The following CCSER1 variants were observed in gnomAD, a reference collection of about 807,000 sequenced individuals.
CCSER1 encodes the protein coiled-coil serine rich protein 1, also known as serine-rich coiled-coil domain-containing protein 1.
CCSER1 carries 41 observed loss-of-function variants against 82.0 expected under a neutral mutation model. That is an observed-to-expected ratio of 0.50 (90% confidence interval 0.39 to 0.65). The LOEUF (loss-of-function observed/expected upper bound fraction) is 0.65, where lower values mean the gene tolerates loss of function less well. Ranked by LOEUF, CCSER1 falls within the 30% of genes least tolerant of loss-of-function variation. The pLI is 0.00. For missense variants in CCSER1, 1,119 were observed against 1,064.2 expected, an observed-to-expected ratio of 1.05 and a Z score of -0.72; for synonymous variants, 414 against 383.9, an observed-to-expected ratio of 1.08 and a Z score of -0.92.
chr4:91,096,555 T>C (rs1200474072), intron 10 of CCSER1, among the ~76,000 whole-genome samples: 5 of 152,224 alleles, frequency 3.3e-5, no homozygotes, highest in African/African-American at 1.2e-4. Flanking sequence ...CCAGTTACTT[T>C]ATGCCATACC....
chr4:91,386,426 A>C (rs1263873373), intron 10 of CCSER1, among the ~76,000 whole-genome samples: 1 of 152,098 alleles, frequency 6.6e-6, no homozygotes, highest in African/African-American at 2.4e-5. Context: ...TAATTGAATA[A>C]ATACATAACT....
At chr4:91,177,205 G>A (rs1733483383) in intron 10 of CCSER1, among the ~76,000 whole-genome samples, 1 of 152,158 alleles carries the variant, frequency 6.6e-6, no homozygotes, top group African/African-American at 2.4e-5. Context: ...TTGATGTGCT[G>A]CTGGATTCGG....
chr4:90,179,668 C>G (rs1216697091), intron 1 of CCSER1, among the ~76,000 whole-genome samples: 1 of 152,172 alleles, frequency 6.6e-6, no homozygotes, highest in Non-Finnish European at 1.5e-5. Flanking sequence ...CAGGCGTGAG[C>G]CATCACTAAA....
At chr4:90,227,248 G>C (rs1219615444) in intron 1 of CCSER1, among the ~76,000 whole-genome samples, 1 of 152,204 alleles carries the variant, frequency 6.6e-6, no homozygotes, top group African/African-American at 2.4e-5. Context: ...CTTTTAGGTA[G>C]AGTTGGATAA....
Position 90,724,033 on chromosome 4 carries a change from G to T in CCSER1, c.2010+42G>T, listed in dbSNP as rs766500152. The T allele has an allele frequency of 2.6e-5, 31 of 1,180,798 alleles. No homozygotes were observed. The Admixed American group carries it at 5.8e-4, about 22-fold the overall frequency. The allele number at this position is 1,180,798 out of a possible 1,614,324, so 73.1% of individuals were successfully genotyped here. A position where few individuals can be genotyped will look rare whatever the true frequency, so the allele number is the denominator to read the frequency against. On this transcript the variant is annotated intron_variant, in intron 7 of 10. Transcript: ENST00000509176. ...AAAGCATTATTTATAAAAATATTAG[G>T]ATAGTTAATAAATAGTTTAAAATAG...
At chr4:90,943,226 G>T (rs902922261) in intron 9 of CCSER1, among the ~76,000 whole-genome samples, 2 of 151,860 alleles carry the variant, frequency 1.3e-5, no homozygotes, top group Admixed American at 1.3e-4. Context: ...AGTAACTTTG[G>T]CAAGAAATAT....
chr4:90,840,959 A>G (rs1474334892), intron 8 of CCSER1, among the ~76,000 whole-genome samples: 1 of 152,146 alleles, frequency 6.6e-6, no homozygotes, highest in Non-Finnish European at 1.5e-5. Context: ...TAGTTACATA[A>G]AGCAGATTAC....
rs1560930387 is a variant in CCSER1 at position 90,276,310 on chromosome 4, T to TTCCTTCCTTC, written c.-41-31934_-41-31933insTCCTTCCTTC. ...TCCTTCCTTCCTTCCTTCCTTCCTT[T>TTCCTTCCTTC]CTTTCTTTTTCTTTCTTTCTTTCTT... On this transcript the variant is annotated intron_variant, in intron 1 of 10. Transcript: ENST00000509176. Among the ~76,000 whole-genome samples the TTCCTTCCTTC allele has an allele frequency of 3.8e-4, 38 of 98,768 alleles. 1 individual carries two copies. Among genetic ancestry groups the TTCCTTCCTTC allele is most frequent in the Non-Finnish European group, 6.2e-4 (30 of 48,492 alleles). 64.8% of individuals were successfully genotyped at this position (98,768 alleles called of 152,430 possible). A position where few individuals can be genotyped will look rare whatever the true frequency, so the allele number is the denominator to read the frequency against.
intron 7 of CCSER1, among the ~76,000 whole-genome samples, chr4:90,774,130 T>G (rs188824002): frequency 6.6e-6 from 1 of 152,258 alleles, no homozygotes; most frequent in Admixed American, 6.5e-5. Flanking sequence ...GGCCAGAAAT[T>G]TAATTACAAA....
intron 1 of CCSER1, among the ~76,000 whole-genome samples, chr4:90,214,434 C>A (rs1740640727): frequency 6.6e-6 from 1 of 152,110 alleles, no homozygotes; most frequent in African/African-American, 2.4e-5. Context: ...GGAGAGCACC[C>A]AGGGAAACGC....
At chr4:90,285,666 T>C (rs1230556319) in intron 1 of CCSER1, among the ~76,000 whole-genome samples, 1 of 152,064 alleles carries the variant, frequency 6.6e-6, no homozygotes, top group African/African-American at 2.4e-5. Flanking sequence ...GGCTAGGGTT[T>C]CCAGTACTAT....
At chr4:91,488,057 T>C (rs1360062637) in intron 10 of CCSER1, among the ~76,000 whole-genome samples, 1 of 152,118 alleles carries the variant, frequency 6.6e-6, no homozygotes, top group Non-Finnish European at 1.5e-5. Context: ...TGAAAATAAC[T>C]AAATTTTTCA....
At chr4:91,255,926 A>G (rs1371220545) in intron 10 of CCSER1, among the ~76,000 whole-genome samples, 1 of 152,200 alleles carries the variant, frequency 6.6e-6, no homozygotes, top group Admixed American at 6.5e-5. Flanking sequence ...TGTTTGAACA[A>G]TATGAGATCT....
intron 10 of CCSER1, among the ~76,000 whole-genome samples, chr4:91,106,604 T>C (rs1219070585): frequency 2.0e-5 from 3 of 152,204 alleles, no homozygotes; most frequent in African/African-American, 7.2e-5. Flanking sequence ...AACTACTATT[T>C]TGATGTGCTT....
chr4:90,297,798 A>C (rs1732271144), intron 1 of CCSER1, among the ~76,000 whole-genome samples: 1 of 152,040 alleles, frequency 6.6e-6, no homozygotes, highest in African/African-American at 2.4e-5. Context: ...GATTACATTT[A>C]TTGATTTGCG....
At chr4:90,721,978 A>C (rs1271228385) in intron 6 of CCSER1, among the ~76,000 whole-genome samples, 1 of 151,654 alleles carries the variant, frequency 6.6e-6, no homozygotes, top group East Asian at 1.9e-4. Flanking sequence ...TTTCTCTTAG[A>C]ATGACATTCA....
chr4:91,408,560 G>A (rs1294991294), intron 10 of CCSER1, among the ~76,000 whole-genome samples: 1 of 152,064 alleles, frequency 6.6e-6, no homozygotes, highest in Non-Finnish European at 1.5e-5. Context: ...TTGCTTTAAA[G>A]TTTTACATCT....
At chr4:90,459,036 T>G (rs897828447) in intron 4 of CCSER1, among the ~76,000 whole-genome samples, 2 of 152,162 alleles carry the variant, frequency 1.3e-5, no homozygotes, top group African/African-American at 4.8e-5. Context: ...TTATAGTATA[T>G]ATTATATATG....
chr4:90,652,620 T>G (rs1156916529), intron 6 of CCSER1, among the ~76,000 whole-genome samples: 2 of 152,158 alleles, frequency 1.3e-5, no homozygotes, highest in East Asian at 3.9e-4. Context: ...GTTATCTTAT[T>G]ATCTATTGCA....
Sources: gnomAD v4.1 joint callset for allele counts (sites outside exome capture counted in the v4.1 genomes callset) on GRCh38, gnomAD v4.1.1 for gene constraint, MANE v1.5 for transcripts, NCBI Gene and HGNC (gene_info 2026-07-23, HGNC 2026-07-21) for gene names.